Variants in DAB1 observed in about 807,000 individuals in gnomAD.
The protein encoded by DAB1 is disabled homolog 1.
DAB1 carries 15 observed loss-of-function variants against 64.6 expected under a neutral mutation model. The observed-to-expected ratio is 0.23, with a 90% CI of 0.16 to 0.36. The LOEUF (loss-of-function observed/expected upper bound fraction) is 0.36, where lower values mean the gene tolerates loss of function less well. Ranked by LOEUF, DAB1 falls within the 10% of genes least tolerant of loss-of-function variation. The probability of loss-of-function intolerance (pLI) is 1.00; values close to 1 mark genes in which losing one functional copy is unlikely to be tolerated. For synonymous variants in DAB1, 235 were observed against 251.9 expected, an observed-to-expected ratio of 0.93 and a Z score of 0.64; for missense variants, 596 against 706.7, an observed-to-expected ratio of 0.84 and a Z score of 1.78.
chr1:58,253,633 T>G (rs1660856502), intron 4 of DAB1, among the ~76,000 whole-genome samples: 1 of 152,226 alleles, frequency 6.6e-6, no homozygotes, highest in Admixed American at 6.5e-5. Flanking sequence ...ACAAGAATCC[T>G]TGAAGGGAAA....
chr1:57,728,748 C>A (rs1019230326), intron 6 of DAB1, among the ~76,000 whole-genome samples: 1 of 152,124 alleles, frequency 6.6e-6, no homozygotes, highest in Non-Finnish European at 1.5e-5. Context: ...TCAAAAGAAA[C>A]CAAAATCAAG....
chr1:57,538,376 C>T (rs977087898), intron 7 of DAB1, among the ~76,000 whole-genome samples: 2 of 152,168 alleles, frequency 1.3e-5, no homozygotes, highest in Admixed American at 6.5e-5. Context: ...TCATCACATC[C>T]TGTAAGGCCT....
intron 5 of DAB1, among the ~76,000 whole-genome samples, chr1:57,905,304 T>C (rs1479632301): frequency 6.6e-6 from 1 of 151,658 alleles, no homozygotes; most frequent in Non-Finnish European, 1.5e-5. Context: ...GCAGAGGGCG[T>C]TGGTGCAAGG....
intron 5 of DAB1, among the ~76,000 whole-genome samples, chr1:58,002,986 AC>A (rs1277998525): frequency 1.3e-5 from 2 of 152,204 alleles, no homozygotes; most frequent in Non-Finnish European, 2.9e-5. Context: ...GGAGCTCATG[AC>A]AATGTCTAGT....
chr1:57,587,664 C>A (rs1309827352), intron 7 of DAB1, among the ~76,000 whole-genome samples: 1 of 152,194 alleles, frequency 6.6e-6, no homozygotes, highest in Non-Finnish European at 1.5e-5. Flanking sequence ...TGCTGCAGGT[C>A]AGCTTAAATA....
intron 1 of DAB1, among the ~76,000 whole-genome samples, chr1:57,291,688 T>A (rs191897703): frequency 2.6e-5 from 4 of 152,224 alleles, no homozygotes; most frequent in African/African-American, 7.2e-5. Context: ...CCAAGAAACA[T>A]TCCAGCAAGC....
intron 2 of DAB1, among the ~76,000 whole-genome samples, chr1:57,185,216 C>T (rs565545145): frequency 6.6e-6 from 1 of 152,256 alleles, no homozygotes; most frequent in South Asian, 2.1e-4. Flanking sequence ...ACCACTCCTA[C>T]CCCTACCATG....
At chr1:57,141,285 C>G (rs1385102496) in intron 3 of DAB1, among the ~76,000 whole-genome samples, 2 of 152,184 alleles carry the variant, frequency 1.3e-5, no homozygotes, top group Non-Finnish European at 2.9e-5. Flanking sequence ...ATCTCCTGAG[C>G]CTCCTTCTCC....
At chr1:57,125,047 T>C (rs575300514) in intron 4 of DAB1, among the ~76,000 whole-genome samples, 1 of 151,834 alleles carries the variant, frequency 6.6e-6, no homozygotes, top group African/African-American at 2.4e-5. Context: ...TCAGTGTGCA[T>C]AATTTACTCA....
At chr1:58,469,875 T>C (rs1006238578) in intron 3 of DAB1, among the ~76,000 whole-genome samples, 1 of 152,130 alleles carries the variant, frequency 6.6e-6, no homozygotes, top group Non-Finnish European at 1.5e-5. Context: ...AGAGAATTTT[T>C]AAAAATAAAT....
intron 6 of DAB1, among the ~76,000 whole-genome samples, chr1:57,783,265 A>T (rs1650194838): frequency 6.6e-6 from 1 of 151,134 alleles, no homozygotes; most frequent in South Asian, 2.1e-4. Context: ...ATGTGCCACC[A>T]CTCATGCCTA....
At chr1:57,512,959 C>G (rs1401637016) in intron 7 of DAB1, among the ~76,000 whole-genome samples, 2 of 152,142 alleles carry the variant, frequency 1.3e-5, no homozygotes, top group Non-Finnish European at 2.9e-5. Flanking sequence ...CCAGGATAGA[C>G]CAGGGCTGTG....
intron 5 of DAB1, among the ~76,000 whole-genome samples, chr1:58,042,518 C>T (rs750695622): frequency 6.6e-6 from 1 of 152,176 alleles, no homozygotes. Flanking sequence ...CAAAACTACA[C>T]ATACTGAGCG....
intron 1 of DAB1, among the ~76,000 whole-genome samples, chr1:57,313,540 G>T (rs1202388182): frequency 6.6e-6 from 1 of 152,150 alleles, no homozygotes; most frequent in African/African-American, 2.4e-5. Flanking sequence ...GAAGGGGTAA[G>T]TTGGCCCCGG....
chr1:57,765,875 C>T (rs1403985138), intron 6 of DAB1, among the ~76,000 whole-genome samples: 2 of 152,140 alleles, frequency 1.3e-5, no homozygotes, highest in Non-Finnish European at 2.9e-5. Context: ...AAGTGATCTG[C>T]CCACCTTGGC....
At chr1:58,417,421 G>A (rs2100214746) in intron 3 of DAB1, among the ~76,000 whole-genome samples, 1 of 152,314 alleles carries the variant, frequency 6.6e-6, no homozygotes, top group African/African-American at 2.4e-5. Context: ...AAATGCCAAG[G>A]GAAGAGAATC....
intron 5 of DAB1, among the ~76,000 whole-genome samples, chr1:58,133,963 C>T (rs1304524517): frequency 6.6e-6 from 1 of 152,200 alleles, no homozygotes; most frequent in Admixed American, 6.5e-5. Context: ...GACCTGTATC[C>T]TCAATGGTCT....
chr1:57,557,423 C>T (rs146106874), intron 7 of DAB1, among the ~76,000 whole-genome samples: 231 of 151,884 alleles, frequency 1.5e-3, no homozygotes, highest in African/African-American at 5.2e-3. Flanking sequence ...TATATATACA[C>T]ACACACATAT....
At chr1:57,795,497 A>G (rs2101864691) in intron 6 of DAB1, among the ~76,000 whole-genome samples, 1 of 151,890 alleles carries the variant, frequency 6.6e-6, no homozygotes, top group Admixed American at 6.6e-5. Context: ...TAGAGGATAG[A>G]TCAAGAAAGT....
Sources: allele counts gnomAD v4.1 joint callset (sites outside exome capture counted in the v4.1 genomes callset), GRCh38; gene constraint gnomAD v4.1.1; transcripts MANE v1.5; gene names NCBI Gene and HGNC (gene_info 2026-07-23, HGNC 2026-07-21).